The following BCCIP variants were observed in gnomAD, a reference collection of about 807,000 sequenced individuals.
The protein encoded by BCCIP is BRCA2 and CDKN1A-interacting protein.
In BCCIP, 23 loss-of-function variants were observed where a neutral mutation model predicts 32.8. The ratio of observed to expected loss-of-function variants is 0.70; its 90% CI spans 0.51 to 0.99. The LOEUF (loss-of-function observed/expected upper bound fraction) is 0.99, where lower values mean the gene tolerates loss of function less well. Ranked by LOEUF, BCCIP falls within the 50% of genes least tolerant of loss-of-function variation. The pLI is 0.00. For missense variants in BCCIP, 378 were observed against 379.8 expected, an observed-to-expected ratio of 1.00 and a Z score of 0.04; for synonymous variants, 144 against 137.6, an observed-to-expected ratio of 1.05 and a Z score of -0.33.
chr10:125,846,482 T>A (rs1944022116), downstream of BCCIP, among the ~76,000 whole-genome samples: 1 of 152,198 alleles, frequency 6.6e-6, no homozygotes, highest in Non-Finnish European at 1.5e-5. Context: ...TTGCTCTCAG[T>A]CTGTTTTGAG....
chr10:125,849,625 G>A (rs2134040057), intron 7 of BCCIP, among the ~76,000 whole-genome samples: 1 of 152,316 alleles, frequency 6.6e-6, no homozygotes, highest in Non-Finnish European at 1.5e-5. Flanking sequence ...TTTGGGCAGT[G>A]CCAGTCCTGC....
intron 1 of BCCIP, 118 bp downstream of exon 1, chr10:125,823,840 T>G: frequency 7.1e-7 from 1 of 1,402,208 alleles, no homozygotes; most frequent in South Asian, 1.4e-5. Context: ...GAGGAGAAAC[T>G]GGAGATAAGT....
chr10:125,839,602 C>T (rs2134023641), downstream of BCCIP, among the ~76,000 whole-genome samples: 1 of 152,310 alleles, frequency 6.6e-6, no homozygotes, highest in Non-Finnish European at 1.5e-5. Flanking sequence ...AAAAAGCCCA[C>T]AGTATAAATT....
intron 2 of BCCIP, among the ~76,000 whole-genome samples, chr10:125,827,313 C>T (rs542569244): frequency 6.6e-6 from 1 of 152,014 alleles, no homozygotes; most frequent in African/African-American, 2.4e-5. Context: ...TATCCTCTCT[C>T]GTTTCTCCCT....
downstream of BCCIP, chr10:125,841,507 AT>A: frequency 6.9e-7 from 1 of 1,440,962 alleles, no homozygotes; most frequent in Non-Finnish European, 9.1e-7. Context: ...GTTTTCATAC[AT>A]CTGATGTATA....
exon 8 of BCCIP, chr10:125,853,293 T>A: frequency 9.4e-7 from 1 of 1,060,690 alleles, no homozygotes; most frequent in Non-Finnish European, 1.3e-6. Flanking sequence ...GGATAAAACA[T>A]CTCGGCACCT....
chr10:125,835,454 C>T (rs775300387), intron 6 of BCCIP, among the ~76,000 whole-genome samples: 13 of 151,656 alleles, frequency 8.6e-5, no homozygotes, highest in Admixed American at 2.6e-4. Flanking sequence ...TGGTGGGCAC[C>T]GGTAGTCCCA....
downstream of BCCIP, among the ~76,000 whole-genome samples, chr10:125,837,373 G>A (rs879848825): frequency 6.6e-6 from 1 of 152,226 alleles, no homozygotes; most frequent in Non-Finnish European, 1.5e-5. Context: ...GACTAGTGGA[G>A]TAGTCTCACT....
chr10:125,835,645 G>A (rs1337643394), intron 6 of BCCIP, among the ~76,000 whole-genome samples: 3 of 152,080 alleles, frequency 2.0e-5, no homozygotes, highest in Non-Finnish European at 2.9e-5. Flanking sequence ...TTGACCATTT[G>A]GGGGGAGTGT....
intron 7 of BCCIP, chr10:125,852,346 A>G: frequency 6.2e-7 from 1 of 1,614,186 alleles, no homozygotes; most frequent in Admixed American, 1.7e-5. Context: ...TATCCTCTTC[A>G]TAAAAAGCAC....
intron 3 of BCCIP, 65 bp downstream of exon 3, chr10:125,827,703 A>C (rs2134007608): frequency 7.9e-7 from 1 of 1,264,822 alleles, no homozygotes. Flanking sequence ...GCTGGGCCTC[A>C]CCATGCTTGT....
chr10:125,831,749 A>G, intron 5 of BCCIP, 142 bp downstream of exon 5: 1 of 677,768 alleles, frequency 1.5e-6, no homozygotes, highest in Admixed American at 3.1e-5. Flanking sequence ...AGTGGAAGAA[A>G]CATCCTGTGA....
chr10:125,838,193 C>A, downstream of BCCIP: 1 of 1,567,362 alleles, frequency 6.4e-7, no homozygotes, highest in Non-Finnish European at 8.6e-7. Context: ...CCTTTCTTCT[C>A]CATTAAACTT....
chr10:125,835,362 C>T (rs572003998), intron 6 of BCCIP, among the ~76,000 whole-genome samples: 3 of 152,220 alleles, frequency 2.0e-5, no homozygotes, highest in African/African-American at 7.2e-5. Context: ...GGGCGGATCA[C>T]GAGGTCAGGA....
chr10:125,845,626 A>G (rs1944007612), downstream of BCCIP, among the ~76,000 whole-genome samples: 1 of 152,224 alleles, frequency 6.6e-6, no homozygotes, highest in African/African-American at 2.4e-5. Flanking sequence ...CAATAAGAGC[A>G]GAGAAGTAAG....
At chr10:125,844,573 C>T (rs1294393031), downstream of BCCIP, among the ~76,000 whole-genome samples, 1 of 152,202 alleles carries the variant, frequency 6.6e-6, no homozygotes, top group Non-Finnish European at 1.5e-5. Flanking sequence ...AGGTGAAGAA[C>T]ATTAATAAAT....
downstream of BCCIP, chr10:125,836,611 A>T: frequency 6.5e-7 from 1 of 1,531,880 alleles, no homozygotes; most frequent in South Asian, 1.3e-5. Flanking sequence ...TCTTCGCGTC[A>T]TGTATCTCCC....
At chr10:125,831,141 T>A (rs1348870560) in intron 4 of BCCIP, among the ~76,000 whole-genome samples, 2 of 152,258 alleles carry the variant, frequency 1.3e-5, no homozygotes, top group African/African-American at 2.4e-5. Flanking sequence ...ACTGTCCAGT[T>A]ACTTCCATCT....
In BCCIP at chr10:125,836,170, T is replaced by G. The variant is rs1564820670; in HGVS notation, c.841T>G (p.Ser281Ala). The G allele has an allele frequency of 6.2e-7, 1 of 1,614,126 alleles. No individual in the cohort carries two copies. The highest frequency in any genetic ancestry group is 1.3e-5 in the African/African-American group (1 of 74,942). Residue 281 changes from serine to alanine, a missense_variant, in exon 7 of 7, where the codon TCT becomes GCT. Physicochemically the swap from Ser to Ala is moderately conservative, Grantham distance 99. Coordinates refer to ENST00000278100, the MANE Select transcript of BCCIP (RefSeq NM_078468.3). ...CGACACTTGTCTGGGAGGCAAATGG[T>G]CTTTTGATGACGTACCAATGACGCC... ...ESDTCLGGKW[S>A]FDDVPMTPLR... is the part of the protein sequence containing the mutation.
Sources: allele counts gnomAD v4.1 joint callset (sites outside exome capture counted in the v4.1 genomes callset), GRCh38; gene constraint gnomAD v4.1.1; transcripts MANE v1.5; gene names NCBI Gene and HGNC (gene_info 2026-07-23, HGNC 2026-07-21).